The following CFAP47 variants were observed in gnomAD, a reference collection of about 807,000 sequenced individuals.
The protein encoded by CFAP47 is cilia- and flagella-associated protein 47.
CFAP47 carries 29 observed loss-of-function variants against 148.1 expected under a neutral mutation model. The ratio of observed to expected loss-of-function variants is 0.20; its 90% CI spans 0.15 to 0.27. The LOEUF is 0.27. Among genes scored for constraint, CFAP47 ranks in the 10% least tolerant of loss-of-function variants. The probability of loss-of-function intolerance (pLI) is 1.00; values close to 1 mark genes in which losing one functional copy is unlikely to be tolerated. For missense variants in CFAP47, 1,872 were observed against 1,697.5 expected (o/e 1.10, Z -1.81); for synonymous variants, 664 against 577.3 (o/e 1.15, Z -2.15).
chrX:35,951,753 T>G, intron 5 of CFAP47, 50 bp from the exon 6 acceptor site: 2 of 1,034,514 alleles, frequency 1.9e-6, no homozygotes, highest in Non-Finnish European at 2.5e-6. Flanking sequence ...CCTCAAAAAT[T>G]TTTTTGTGTT....
chrX:35,923,879 A>T (rs1935622755), intron 1 of CFAP47, among the ~76,000 whole-genome samples: 1 of 89,540 alleles, frequency 1.1e-5, no homozygotes, highest in Non-Finnish European at 2.0e-5. Flanking sequence ...ATATGTATAT[A>T]TGTACATATA....
chrX:36,175,129 T>C (rs9763276), intron 39 of CFAP47, among the ~76,000 whole-genome samples: 1,361 of 109,016 alleles, frequency 0.012, 32 homozygotes, highest in African/African-American at 0.043. Context: ...ACGTAGTTCT[T>C]GAGCCTTGGT....
intron 45 of CFAP47, among the ~76,000 whole-genome samples, chrX:36,224,353 T>C (rs1940246558): frequency 9.0e-6 from 1 of 111,718 alleles, no homozygotes; most frequent in Admixed American, 9.5e-5. Flanking sequence ...GTGTTTTAAC[T>C]CTCAGTTGAT....
chrX:36,132,210 T>G (rs1938960913), intron 33 of CFAP47, among the ~76,000 whole-genome samples: 1 of 111,152 alleles, frequency 9.0e-6, no homozygotes, highest in African/African-American at 3.3e-5. Context: ...TAAATATACC[T>G]GAATATCAGA....
At chrX:36,167,126 C>T (rs2146854297) in intron 39 of CFAP47, among the ~76,000 whole-genome samples, 1 of 111,986 alleles carries the variant, frequency 8.9e-6, no homozygotes, top group Admixed American at 9.5e-5. Flanking sequence ...ACTAACAGGC[C>T]TGTAGTTTAG....
At chrX:36,335,724 G>C (rs1941599632) in intron 57 of CFAP47, among the ~76,000 whole-genome samples, 1 of 111,596 alleles carries the variant, frequency 9.0e-6, no homozygotes, top group Admixed American at 9.5e-5. Context: ...GTAGGAGTTG[G>C]TGGTGGCCAT....
intron 29 of CFAP47, among the ~76,000 whole-genome samples, chrX:36,083,313 GTACTTATATATTACATATA>G (rs779575566): frequency 4.5e-4 from 49 of 109,794 alleles, no homozygotes; most frequent in Middle Eastern, 4.8e-3. Context: ...ATGTGTATAT[GTACTTATATATTACATATA>G]TACTTATATA....
chrX:36,230,107 G>A (rs1275113701), intron 46 of CFAP47, among the ~76,000 whole-genome samples: 1 of 104,990 alleles, frequency 9.5e-6, no homozygotes, highest in Non-Finnish European at 2.0e-5. Flanking sequence ...ATGATTTATA[G>A]TCCTTTGGGT....
chrX:36,099,933 G>A (rs5973573), intron 32 of CFAP47, 54 bp downstream of exon 32: 91,419 of 623,795 alleles, frequency 0.15, 11,302 homozygotes, highest in African/African-American at 0.69. Flanking sequence ...TGAATCATAT[G>A]TTAATTAAAG....
chrX:36,039,709 A>G (rs762513564), intron 25 of CFAP47, among the ~76,000 whole-genome samples: 1 of 111,647 alleles, frequency 9.0e-6, no homozygotes, highest in East Asian at 2.8e-4. Context: ...GAACTAAAGC[A>G]TCATTTTTTT....
rs1179979162 is a variant in CFAP47 at position 35,987,355 on chromosome X, G to A, written c.2714-1964G>A. Among the ~76,000 whole-genome samples the A allele has an allele frequency of 3.6e-5, 4 of 111,645 alleles. No individual in the cohort carries two copies. The East Asian group carries it at 1.1e-3, about 32-fold the overall frequency. On this transcript the variant is annotated intron_variant, in intron 15 of 63. Transcript: ENST00000378653. The stretch of plus-strand genomic sequence containing the variant: ...GCAGTCCAGCTACAGCAGCTTTGCA[G>A]TGCTGCTGTGAGCTCTGCCCAGTCT...
At chrX:36,232,917 G>A (rs1940389279) in intron 46 of CFAP47, among the ~76,000 whole-genome samples, 1 of 112,039 alleles carries the variant, frequency 8.9e-6, no homozygotes, top group African/African-American at 3.3e-5. Context: ...CCATGTAATT[G>A]AGTGGTTTTG....
intron 8 of CFAP47, among the ~76,000 whole-genome samples, chrX:35,959,742 G>T (rs758903527): frequency 9.1e-6 from 1 of 109,504 alleles, no homozygotes; most frequent in East Asian, 2.9e-4. Context: ...AGGAGGCGGA[G>T]GTTGCGCACG....
rs763570071 is a variant in CFAP47, at chrX:36,067,755, C to T, written c.4318+2012C>T. On this transcript the variant is annotated intron_variant, in intron 27 of 63. Transcript: ENST00000378653. ...TTGGCTCACTGCAAGCTCCGCCTCCCAAGTTCACGCCATTCTCCTGCCTCA... is the reference window on the plus strand; with the variant it reads ...TTGGCTCACTGCAAGCTCCGCCTCCTAAGTTCACGCCATTCTCCTGCCTCA... 2.3e-3 allele frequency among the ~76,000 whole-genome samples: 245 copies of T among 107,420 alleles called. 1 individual carries two copies. The highest frequency in any genetic ancestry group is 7.2e-3 in the African/African-American group (211 of 29,211). 93.3% of individuals were successfully genotyped at this position (107,420 alleles called of 115,157 possible). A position where few individuals can be genotyped will look rare whatever the true frequency, so the allele number is the denominator to read the frequency against.
intron 1 of CFAP47, among the ~76,000 whole-genome samples, chrX:35,924,381 A>G (rs1037051378): frequency 1.5e-4 from 16 of 104,945 alleles, no homozygotes; most frequent in African/African-American, 5.6e-4. Flanking sequence ...GCATATATGC[A>G]CACATATGTG....
rs1220154862 is a variant in CFAP47 at position 36,259,697 on chromosome X, A to AT, written c.7444+8263dup. On this transcript the variant is annotated intron_variant, in intron 49 of 63. Transcript: ENST00000378653. The stretch of plus-strand genomic sequence containing the variant: ...ACTCTACCACATTGTCTCTTTATTA[A>AT]TTTTTTTTTTGCCTTTTCTACTTTT... Among the ~76,000 whole-genome samples the AT allele has an allele frequency of 9.9e-3, 1,059 of 107,454 alleles. 14 individuals are homozygous for AT. The highest frequency in any genetic ancestry group is 0.03 in the African/African-American group (904 of 29,654). The allele number at this position is 107,454 out of a possible 115,157, so 93.3% of individuals were successfully genotyped here.
At chrX:35,962,774 A>G (rs931621389) in intron 8 of CFAP47, among the ~76,000 whole-genome samples, 3 of 111,051 alleles carry the variant, frequency 2.7e-5, no homozygotes, top group African/African-American at 9.8e-5. Flanking sequence ...TTTTGACTGC[A>G]CAATTTAATC....
At chrX:35,926,286 C>T in intron 2 of CFAP47, 118 bp downstream of exon 2, 1 of 508,107 alleles carries the variant, frequency 2.0e-6, no homozygotes, top group East Asian at 4.0e-5. Flanking sequence ...ACTTAAAGGA[C>T]ACATTTTTAG....
chrX:35,989,510 C>G, intron 16 of CFAP47, 61 bp downstream of exon 16: 1 of 1,210,290 alleles, frequency 8.3e-7, no homozygotes, highest in Non-Finnish European at 1.1e-6. Context: ...TGGGTATACA[C>G]TGGTGTATAT....
Sources: allele counts gnomAD v4.1 joint callset (sites outside exome capture counted in the v4.1 genomes callset), GRCh38; gene constraint gnomAD v4.1.1; transcripts MANE v1.5; gene names NCBI Gene and HGNC (gene_info 2026-07-23, HGNC 2026-07-21).